The following TAFA2 variants were observed in gnomAD, a reference collection of about 807,000 sequenced individuals.
The protein encoded by TAFA2 is chemokine-like protein TAFA-2.
In TAFA2, 7 loss-of-function variants were observed where a neutral mutation model predicts 18.8. The observed-to-expected ratio is 0.37, with a 90% CI of 0.21 to 0.70. TAFA2 has a LOEUF of 0.70. Ranked by LOEUF, TAFA2 falls within the 30% of genes least tolerant of loss-of-function variation. The pLI is 0.53. For synonymous variants in TAFA2, 60 were observed against 54.2 expected, an observed-to-expected ratio of 1.11 and a Z score of -0.47; for missense variants, 122 against 158.1, an observed-to-expected ratio of 0.77 and a Z score of 1.23.
intron 1 of TAFA2, among the ~76,000 whole-genome samples, chr12:62,073,807 G>A (rs756829154): frequency 6.6e-6 from 1 of 152,174 alleles, no homozygotes; most frequent in Non-Finnish European, 1.5e-5. Context: ...GGACCCACAT[G>A]GTACTGAGGT....
intron 2 of TAFA2, among the ~76,000 whole-genome samples, chr12:61,802,186 G>A (rs1277140161): frequency 6.6e-6 from 1 of 151,948 alleles, no homozygotes; most frequent in Non-Finnish European, 1.5e-5. Context: ...AGCCACTATT[G>A]AAAACAGTAT....
At chr12:62,137,016 T>C (rs1415429649) in intron 1 of TAFA2, among the ~76,000 whole-genome samples, 2 of 152,112 alleles carry the variant, frequency 1.3e-5, no homozygotes, top group African/African-American at 4.8e-5. Flanking sequence ...AAGTCTCTAC[T>C]TTGGAGAGAA....
chr12:61,858,141 G>A (rs973743412), intron 2 of TAFA2, among the ~76,000 whole-genome samples: 2 of 152,200 alleles, frequency 1.3e-5, no homozygotes, highest in Non-Finnish European at 2.9e-5. Flanking sequence ...ACCCTGCAGT[G>A]TGCACAATCA....
chr12:61,856,178 G>A (rs1383268359), intron 2 of TAFA2, among the ~76,000 whole-genome samples: 1 of 151,854 alleles, frequency 6.6e-6, no homozygotes, highest in Non-Finnish European at 1.5e-5. Flanking sequence ...CCTACAGCTA[G>A]TAAAGAGATA....
intron 1 of TAFA2, among the ~76,000 whole-genome samples, chr12:62,032,095 T>A (rs1241974235): frequency 6.6e-6 from 1 of 152,166 alleles, no homozygotes; most frequent in Non-Finnish European, 1.5e-5. Flanking sequence ...AAGCAGTTAT[T>A]GATGGCACAA....
intron 1 of TAFA2, among the ~76,000 whole-genome samples, chr12:62,037,931 T>G (rs1881653074): frequency 6.6e-6 from 1 of 152,180 alleles, no homozygotes; most frequent in Non-Finnish European, 1.5e-5. Flanking sequence ...CTCAATAAAT[T>G]TTAGAAAAAT....
At chr12:61,730,377 T>A (rs1295552784) in intron 4 of TAFA2, among the ~76,000 whole-genome samples, 2 of 152,084 alleles carry the variant, frequency 1.3e-5, no homozygotes, top group African/African-American at 2.4e-5. Context: ...TTCAAGAGAA[T>A]ATCAGCTGCA....
chr12:62,206,017 T>C (rs886577635), intron 1 of TAFA2, among the ~76,000 whole-genome samples: 5 of 152,166 alleles, frequency 3.3e-5, no homozygotes, highest in Non-Finnish European at 5.9e-5. Flanking sequence ...TACTCCACCC[T>C]GCTTTTCCTC....
chr12:62,253,125 T>C (rs917153163), intron 1 of TAFA2: 14 of 152,200 alleles, frequency 9.2e-5, no homozygotes, highest in African/African-American at 3.4e-4. Context: ...GCTCATGCTG[T>C]GGGGCCATCC....
intron 1 of TAFA2, among the ~76,000 whole-genome samples, chr12:62,144,541 G>A (rs144206232): frequency 5.8e-4 from 89 of 152,264 alleles, no homozygotes; most frequent in African/African-American, 2.1e-3. Context: ...CACCATTGTG[G>A]TAGTACACAA....
At chr12:61,879,980 G>A in intron 1 of TAFA2, 6 of 825,774 alleles carry the variant, frequency 7.3e-6, no homozygotes, top group Non-Finnish European at 1.3e-5. Flanking sequence ...GCTGACTGAT[G>A]AGATCAACTT....
intron 1 of TAFA2, among the ~76,000 whole-genome samples, chr12:62,023,472 G>T (rs1447533508): frequency 1.3e-5 from 2 of 151,712 alleles, no homozygotes; most frequent in African/African-American, 4.9e-5. Context: ...TAACTTTATT[G>T]GAAAATTAGA....
chr12:61,762,650 T>TATATATATAC (rs1460042477), intron 2 of TAFA2, among the ~76,000 whole-genome samples: 1 of 150,256 alleles, frequency 6.7e-6, no homozygotes, highest in Non-Finnish European at 1.5e-5. Flanking sequence ...TATATATATA[T>TATATATATAC]ACATACACAT....
chr12:62,178,438 C>T (rs2062529734), intron 1 of TAFA2, among the ~76,000 whole-genome samples: 1 of 152,128 alleles, frequency 6.6e-6, no homozygotes, highest in African/African-American at 2.4e-5. Context: ...CAAAGGTTTA[C>T]TTTGATGTGA....
At chr12:61,919,154 A>G (rs1282645329) in intron 1 of TAFA2, among the ~76,000 whole-genome samples, 1 of 152,210 alleles carries the variant, frequency 6.6e-6, no homozygotes, top group Non-Finnish European at 1.5e-5. Flanking sequence ...CATTAATGAC[A>G]ACCTTTCCTT....
At chr12:62,141,328 T>C (rs2062237705) in intron 1 of TAFA2, among the ~76,000 whole-genome samples, 1 of 152,192 alleles carries the variant, frequency 6.6e-6, no homozygotes. Flanking sequence ...TGGGGCTTAC[T>C]GCAGTGAACA....
At position 61,779,062 on chromosome 12, in the gene TAFA2, G is replaced by A. The variant is rs1870393710; in HGVS notation, c.107-24038C>T. On this transcript the variant is annotated intron_variant, in intron 2 of 4. Coordinates refer to ENST00000416284, the MANE Select transcript of TAFA2 (RefSeq NM_178539.5). ...AAATCTCTGTTTTTGAAAACATAAG[G>A]CAATAAGCCCTGCTGGAAAACAAAC... Among the ~76,000 whole-genome samples the A allele has an allele frequency of 1.3e-5, 2 of 151,772 alleles. 1 individual carries two copies. The highest frequency in any genetic ancestry group is 4.2e-4 in the South Asian group (2 of 4,818).
chr12:61,923,941 C>T (rs576686324), intron 1 of TAFA2, among the ~76,000 whole-genome samples: 37 of 151,070 alleles, frequency 2.4e-4, no homozygotes, highest in African/African-American at 8.5e-4. Context: ...ATGAAACATA[C>T]ACAAGTATCA....
intron 4 of TAFA2, among the ~76,000 whole-genome samples, chr12:61,745,265 A>G (rs965243065): frequency 2.0e-5 from 3 of 152,026 alleles, no homozygotes; most frequent in Non-Finnish European, 4.4e-5. Flanking sequence ...CAAATCCCTC[A>G]TTCTATTTGT....
Sources: allele counts gnomAD v4.1 joint callset (sites outside exome capture counted in the v4.1 genomes callset), GRCh38; gene constraint gnomAD v4.1.1; transcripts MANE v1.5; gene names NCBI Gene and HGNC (gene_info 2026-07-23, HGNC 2026-07-21).